Variants in FBN2 observed in about 807,000 individuals in gnomAD.
FBN2 encodes fibrillin-2.
In FBN2, 105 loss-of-function variants were observed where a neutral mutation model predicts 355.6. That is an observed-to-expected ratio of 0.30 (90% confidence interval 0.25 to 0.35). The LOEUF (loss-of-function observed/expected upper bound fraction) is 0.35, where lower values mean the gene tolerates loss of function less well. FBN2 is among the 10% of genes least tolerant of loss of function. FBN2 has a pLI of 1.00. For synonymous variants in FBN2, 1,350 were observed against 1,301.2 expected (o/e 1.04, Z -0.81); for missense variants, 3,280 against 3,758.7 (o/e 0.87, Z 3.33).
At chr5:128,500,430 C>CTTTTT (rs149068555) in intron 5 of FBN2, among the ~76,000 whole-genome samples, 570 of 51,178 alleles carry the variant, frequency 0.011, 114 homozygotes, top group African/African-American at 0.041. Flanking sequence ...TCTGACAATT[C>CTTTTT]TTTTTTTTTT....
chr5:128,393,329 C>T lies in FBN2; in HGVS notation c.1271G>A (p.Gly424Glu), dbSNP rs1752570030. 6.2e-7 allele frequency: 1 copy of T among 1,614,148 alleles called. No individual in the cohort carries two copies. The highest frequency in any genetic ancestry group is 1.3e-5 in the African/African-American group (1 of 75,062). The change falls in exon 10 of 65, where the codon GGA becomes GAA. Residue 424 changes from glycine (G) to glutamate (E), a missense_variant. Transcript: ENST00000262464. ...GGAACCAGCACTCCCTGGAATTCCT[C>T]CCATTGGAAGTCCATCCATGCAAAG... ...RRLCMDGLPM[G>E]GIPGSAGSRP... is the part of the protein sequence containing the mutation.
At chr5:128,490,546 T>C (rs555831625) in intron 5 of FBN2, among the ~76,000 whole-genome samples, 31 of 152,358 alleles carry the variant, frequency 2.0e-4, no homozygotes, top group African/African-American at 7.2e-4. Context: ...TCAACTCTAA[T>C]GCTCACATTG....
intron 11 of FBN2, among the ~76,000 whole-genome samples, chr5:128,389,814 C>T (rs1752464104): frequency 6.6e-6 from 1 of 152,212 alleles, no homozygotes. Context: ...AGTCCTGGCA[C>T]TTGGCAGCCC....
At chr5:128,317,601 T>C (rs373185175) in intron 36 of FBN2, among the ~76,000 whole-genome samples, 2 of 152,122 alleles carry the variant, frequency 1.3e-5, no homozygotes, top group Non-Finnish European at 2.9e-5. Flanking sequence ...GAAAATACAG[T>C]AACAGTGCAG....
At position 128,260,407 on chromosome 5, in the gene FBN2, G is replaced by C. The variant is rs2126792597; in HGVS notation, c.8365-578C>G. On this transcript the variant is annotated intron_variant, in intron 64 of 64. Transcript: ENST00000262464. ...AAACCAGCATCTTTGGTAAAAGCCA[G>C]TGGGGCAGGGCCCAGATAAACCAAG... Among the ~76,000 whole-genome samples the C allele has an allele frequency of 3.3e-5, 5 of 152,346 alleles. No individual in the cohort carries two copies. In the South Asian group the frequency reaches 1.0e-3, roughly 32 times the overall value.
chr5:128,318,097 T>A, intron 36 of FBN2, 52 bp downstream of exon 36: 1 of 1,577,354 alleles, frequency 6.3e-7, no homozygotes, highest in Non-Finnish European at 8.7e-7. Context: ...CAAGAGAGTC[T>A]GAATATTCAA....
intron 5 of FBN2, among the ~76,000 whole-genome samples, chr5:128,481,761 GA>G (rs548605625): frequency 1.0e-3 from 152 of 151,984 alleles, no homozygotes; most frequent in Non-Finnish European, 1.2e-3. Flanking sequence ...AAAAATACTA[GA>G]AAATTTTTAG....
intron 46 of FBN2, among the ~76,000 whole-genome samples, chr5:128,302,682 C>A (rs763923536): frequency 1.6e-4 from 25 of 152,044 alleles, no homozygotes; most frequent in Admixed American, 1.2e-3. Flanking sequence ...AATACAAATA[C>A]CCTAAACCAT....
At chr5:128,319,181 G>A (rs1291376437) in intron 34 of FBN2, among the ~76,000 whole-genome samples, 180 bp from the exon 35 acceptor site, 1 of 151,710 alleles carries the variant, frequency 6.6e-6, no homozygotes. Flanking sequence ...GTTCACCTAT[G>A]GAACTAAGAT....
intron 7 of FBN2, among the ~76,000 whole-genome samples, chr5:128,434,394 G>GTATATATATATATGTATATATA (rs1554068953): frequency 2.0e-4 from 18 of 91,668 alleles, no homozygotes; most frequent in East Asian, 1.1e-3. Context: ...AATAAAGTGT[G>GTATATATATATATGTATATATA]TATATATATA....
At chr5:128,331,761 G>C (rs564190688) in intron 32 of FBN2, among the ~76,000 whole-genome samples, 1 of 152,246 alleles carries the variant, frequency 6.6e-6, no homozygotes, top group East Asian at 1.9e-4. Context: ...TAAAGGAGAG[G>C]ATGAATTTGG....
At chr5:128,358,408 T>C (rs1307646885) in intron 19 of FBN2, among the ~76,000 whole-genome samples, 2 of 152,246 alleles carry the variant, frequency 1.3e-5, no homozygotes, top group South Asian at 4.1e-4. Context: ...ACTTTTTCTT[T>C]CTCTAAATAT....
At chr5:128,279,063 AATAG>A (rs1346804913) in intron 56 of FBN2, among the ~76,000 whole-genome samples, 8 of 152,346 alleles carry the variant, frequency 5.3e-5, no homozygotes, top group Non-Finnish European at 7.3e-5. Context: ...ATACTTTAGA[AATAG>A]ATAGATTTTT....
At chr5:128,313,118 T>C (rs1750104746) in intron 36 of FBN2, among the ~76,000 whole-genome samples, 1 of 152,238 alleles carries the variant, frequency 6.6e-6, no homozygotes, top group Non-Finnish European at 1.5e-5. Flanking sequence ...ACATTTTTTG[T>C]ATAATTAATC....
chr5:128,324,338 T>C (rs1487900030), intron 34 of FBN2, among the ~76,000 whole-genome samples: 7 of 152,222 alleles, frequency 4.6e-5, no homozygotes, highest in Non-Finnish European at 1.0e-4. Flanking sequence ...CTACTGAATT[T>C]GTTTGTTCTT....
At chr5:128,279,646 G>T (rs1418083316) in intron 56 of FBN2, among the ~76,000 whole-genome samples, 2 of 152,036 alleles carry the variant, frequency 1.3e-5, no homozygotes, top group East Asian at 3.9e-4. Context: ...TGTTTACCTT[G>T]AATTTTACTA....
intron 5 of FBN2, among the ~76,000 whole-genome samples, chr5:128,466,176 C>T (rs1298234811): frequency 3.3e-5 from 5 of 152,172 alleles, no homozygotes; most frequent in African/African-American, 1.2e-4. Context: ...TGAGGATTCA[C>T]CAATTCAATT....
At chr5:128,428,425 T>C (rs1385818291) in intron 7 of FBN2, among the ~76,000 whole-genome samples, 1 of 152,146 alleles carries the variant, frequency 6.6e-6, no homozygotes, top group Non-Finnish European at 1.5e-5. Flanking sequence ...TCCTCCTTAG[T>C]GCTCAGCTCC....
At chr5:128,453,071 C>G (rs759405216) in intron 6 of FBN2, among the ~76,000 whole-genome samples, 6 of 152,110 alleles carry the variant, frequency 3.9e-5, no homozygotes, top group Admixed American at 2.0e-4. Flanking sequence ...TATGGGGTGT[C>G]CTAGCAATCA....
Sources: allele counts gnomAD v4.1 joint callset (sites outside exome capture counted in the v4.1 genomes callset), GRCh38; gene constraint gnomAD v4.1.1; transcripts MANE v1.5; gene names NCBI Gene and HGNC (gene_info 2026-07-23, HGNC 2026-07-21).